Variants in ANKFN1 observed in about 807,000 individuals in gnomAD.
The protein encoded by ANKFN1 is ankyrin repeat and fibronectin type III domain containing 1, also known as ankyrin repeat and fibronectin type-III domain-containing protein 1.
A neutral mutation model predicts 108.7 loss-of-function variants in ANKFN1; 74 were observed. The ratio of observed to expected loss-of-function variants is 0.68; its 90% CI spans 0.56 to 0.83. The LOEUF (loss-of-function observed/expected upper bound fraction) is 0.83. ANKFN1 is among the 40% of genes least tolerant of loss of function. ANKFN1 has a pLI of 0.00. For synonymous variants in ANKFN1, 547 were observed against 516.2 expected (o/e 1.06, Z -0.81); for missense variants, 1,505 against 1,382.3 (o/e 1.09, Z -1.41).
At chr17:56,233,347 T>G (rs1204619592) in intron 3 of ANKFN1, among the ~76,000 whole-genome samples, 3 of 152,026 alleles carry the variant, frequency 2.0e-5, no homozygotes. Context: ...AGCTCAGACA[T>G]GCATTCGAAA....
chr17:56,423,472 T>C (rs1009556543), intron 8 of ANKFN1, among the ~76,000 whole-genome samples: 1 of 152,222 alleles, frequency 6.6e-6, no homozygotes, highest in African/African-American at 2.4e-5. Flanking sequence ...AACCAGGAAC[T>C]GATCACCTCA....
intron 16 of ANKFN1, among the ~76,000 whole-genome samples, chr17:56,478,167 ATGGT>A (rs1413264512): frequency 6.6e-6 from 1 of 152,136 alleles, no homozygotes; most frequent in East Asian, 1.9e-4. Context: ...GGCTTGCCTG[ATGGT>A]TGGTGGAAGG....
intron 8 of ANKFN1, among the ~76,000 whole-genome samples, chr17:56,430,516 A>T (rs2048719968): frequency 6.6e-6 from 1 of 151,720 alleles, no homozygotes; most frequent in Non-Finnish European, 1.5e-5. Flanking sequence ...ACACACACAC[A>T]CACACACACA....
chr17:56,298,112 A>T (rs1380457393), intron 3 of ANKFN1, among the ~76,000 whole-genome samples: 1 of 152,088 alleles, frequency 6.6e-6, no homozygotes, highest in Non-Finnish European at 1.5e-5. Context: ...TAAGTCAGAG[A>T]CTCCAAGGGT....
intron 2 of ANKFN1, among the ~76,000 whole-genome samples, chr17:56,220,437 G>T (rs182370672): frequency 5.7e-4 from 86 of 152,118 alleles, no homozygotes; most frequent in African/African-American, 2.0e-3. Flanking sequence ...CAGGTGGATG[G>T]CTTGAATATA....
chr17:56,378,809 A>G (rs921718941), intron 8 of ANKFN1, among the ~76,000 whole-genome samples: 2 of 152,102 alleles, frequency 1.3e-5, no homozygotes, highest in Admixed American at 6.5e-5. Context: ...TGTGATGGGG[A>G]AAAATAACAA....
At chr17:56,380,779 C>T (rs534062201) in intron 8 of ANKFN1, among the ~76,000 whole-genome samples, 74 of 152,326 alleles carry the variant, frequency 4.9e-4, no homozygotes, top group African/African-American at 1.5e-3. Flanking sequence ...ACAAAGCAGC[C>T]GGGAAGTTCG....
intron 3 of ANKFN1, among the ~76,000 whole-genome samples, chr17:56,282,481 A>T (rs1251830724): frequency 6.6e-6 from 1 of 152,196 alleles, no homozygotes; most frequent in African/African-American, 2.4e-5. Context: ...TTAAAATTTC[A>T]AAAACCATTT....
At chr17:56,480,985 G>A (rs1260217553) in intron 17 of ANKFN1, among the ~76,000 whole-genome samples, 167 bp downstream of exon 17, 3 of 149,878 alleles carry the variant, frequency 2.0e-5, no homozygotes, top group Non-Finnish European at 4.4e-5. Flanking sequence ...AATGCCCACA[G>A]GTAGACACAG....
At chr17:56,296,969 C>T (rs2044530920) in intron 3 of ANKFN1, among the ~76,000 whole-genome samples, 1 of 152,198 alleles carries the variant, frequency 6.6e-6, no homozygotes, top group African/African-American at 2.4e-5. Flanking sequence ...ACTGGGTTCA[C>T]CCATGGTGAA....
intron 12 of ANKFN1, 65 bp from the exon 13 acceptor site, chr17:56,457,192 C>T (rs2049735617): frequency 4.8e-6 from 7 of 1,444,858 alleles, no homozygotes; most frequent in South Asian, 1.4e-5. Flanking sequence ...TCTTTTATCA[C>T]ATCCAAAAAA....
chr17:56,457,255 A>G lies in ANKFN1; in HGVS notation c.1308-2A>G. 6.4e-7 allele frequency: 1 copy of G among 1,557,054 alleles called. No individual in the cohort carries two copies. Among genetic ancestry groups the G allele is most frequent in the East Asian group, 2.3e-5 (1 of 44,386 alleles). ...TGCTTTTATTTTCCTTTTTCTTTTT[A>G]GGGGACTCTACATAGCCGTTATATT... On this transcript the variant is annotated splice_acceptor_variant, in intron 12 of 20. Coordinates refer to ENST00000682825, the MANE Select transcript of ANKFN1 (RefSeq NM_001370326.1). LOFTEE classifies it high-confidence loss of function.
intron 3 of ANKFN1, among the ~76,000 whole-genome samples, chr17:56,244,412 G>A (rs1371222828): frequency 6.6e-6 from 1 of 152,066 alleles, no homozygotes; most frequent in Non-Finnish European, 1.5e-5. Flanking sequence ...CTAGAAGACA[G>A]GACTAGGTTC....
intron 14 of ANKFN1, among the ~76,000 whole-genome samples, chr17:56,459,503 C>T (rs985476826): frequency 6.6e-6 from 1 of 152,136 alleles, no homozygotes; most frequent in Non-Finnish European, 1.5e-5. Flanking sequence ...CAAAGTGCCT[C>T]GTCCTTTCAT....
intron 4 of ANKFN1, among the ~76,000 whole-genome samples, chr17:56,078,502 A>C (rs566894500): frequency 6.6e-6 from 1 of 152,180 alleles, no homozygotes; most frequent in African/African-American, 2.4e-5. Flanking sequence ...TTAGCTGTCC[A>C]TAGTCTTTGC....
intron 6 of ANKFN1, among the ~76,000 whole-genome samples, chr17:56,360,288 TC>T (rs1385361085): frequency 6.6e-6 from 1 of 152,204 alleles, no homozygotes; most frequent in Admixed American, 6.5e-5. Flanking sequence ...TACTGGCTAT[TC>T]CATCTACTTG....
chr17:56,270,913 A>G (rs1010356344), intron 3 of ANKFN1, among the ~76,000 whole-genome samples: 3 of 151,872 alleles, frequency 2.0e-5, no homozygotes, highest in African/African-American at 7.3e-5. Context: ...TAGTACCTCC[A>G]CCCTAACTTG....
At chr17:56,455,770 G>A (rs942643604) in intron 11 of ANKFN1, among the ~76,000 whole-genome samples, 8 of 152,212 alleles carry the variant, frequency 5.3e-5, no homozygotes, top group African/African-American at 1.9e-4. Context: ...CTGAACAGAA[G>A]CAATGAATTA....
chr17:56,347,594 T>G (rs2046138791), intron 4 of ANKFN1, among the ~76,000 whole-genome samples: 1 of 152,036 alleles, frequency 6.6e-6, no homozygotes, highest in African/African-American at 2.4e-5. Context: ...GTTGGGAGGG[T>G]CATGCATATT....
Sources: gnomAD v4.1 joint callset for allele counts (sites outside exome capture counted in the v4.1 genomes callset) on GRCh38, gnomAD v4.1.1 for gene constraint, MANE v1.5 for transcripts, NCBI Gene and HGNC (gene_info 2026-07-23, HGNC 2026-07-21) for gene names.